XIRP2: variants seen among roughly 807,000 people sequenced by gnomAD.
XIRP2 encodes xin actin binding repeat containing 2.
Under a neutral mutation model 277.0 loss-of-function variants are expected in XIRP2, and 236 were observed. That is an observed-to-expected ratio of 0.85 (90% CI 0.77 to 0.95). The LOEUF (loss-of-function observed/expected upper bound fraction) is 0.95, where lower values mean the gene tolerates loss of function less well. Among genes scored for constraint, XIRP2 ranks in the 40% least tolerant of loss-of-function variants. The pLI, the probability that XIRP2 is intolerant of heterozygous loss-of-function variation, is 0.00. For missense variants in XIRP2, 4,640 were observed against 4,157.5 expected (o/e 1.12, Z -3.19); for synonymous variants, 1,490 against 1,416.5 (o/e 1.05, Z -1.17).
intron 2 of XIRP2, among the ~76,000 whole-genome samples, chr2:167,075,378 TCGC>T (rs944050006): frequency 5.3e-5 from 8 of 152,020 alleles, no homozygotes; most frequent in Non-Finnish European, 5.9e-5. Flanking sequence ...GAAAATGGGG[TCGC>T]CATTTGCTCT....
chr2:166,922,820 C>CTT (rs201750485), intron 2 of XIRP2, among the ~76,000 whole-genome samples: 108 of 138,386 alleles, frequency 7.8e-4, no homozygotes, highest in African/African-American at 2.7e-3. Flanking sequence ...TCTTTCCTTC[C>CTT]TTTTTTTTTT....
At chr2:167,176,745 C>G (rs1692857988) in intron 3 of XIRP2, among the ~76,000 whole-genome samples, 1 of 152,100 alleles carries the variant, frequency 6.6e-6, no homozygotes, top group South Asian at 2.1e-4. Flanking sequence ...CTATGATTGT[C>G]TTTGTTATAT....
chr2:167,024,895 A>G (rs1199098640), intron 2 of XIRP2, among the ~76,000 whole-genome samples: 5 of 152,168 alleles, frequency 3.3e-5, no homozygotes, highest in East Asian at 1.9e-4. Flanking sequence ...TGTTCATCAA[A>G]GATATTGGTC....
At chr2:167,013,406 T>C (rs1456688599) in intron 2 of XIRP2, among the ~76,000 whole-genome samples, 1 of 151,430 alleles carries the variant, frequency 6.6e-6, no homozygotes, top group African/African-American at 2.4e-5. Flanking sequence ...TGATGCGGTC[T>C]TAAATAAACA....
At chr2:167,088,884 C>G (rs576421781) in intron 2 of XIRP2, among the ~76,000 whole-genome samples, 4 of 152,294 alleles carry the variant, frequency 2.6e-5, no homozygotes, top group African/African-American at 9.6e-5. Flanking sequence ...TCATAGCACT[C>G]TGAATTCTCA....
chr2:167,221,355 T>C (rs757191128), intron 5 of XIRP2, among the ~76,000 whole-genome samples: 29 of 146,892 alleles, frequency 2.0e-4, no homozygotes, highest in Admixed American at 3.6e-4. Flanking sequence ...TCCCAGCTAC[T>C]GGGAGGCTGA....
At chr2:167,146,231 G>T (rs529518783) in intron 3 of XIRP2, among the ~76,000 whole-genome samples, 7 of 152,026 alleles carry the variant, frequency 4.6e-5, no homozygotes, top group Non-Finnish European at 8.8e-5. Flanking sequence ...TGGGCATAGT[G>T]GCTCATGCCT....
intron 2 of XIRP2, among the ~76,000 whole-genome samples, chr2:166,927,464 T>C (rs555729524): frequency 2.0e-5 from 3 of 152,218 alleles, no homozygotes; most frequent in African/African-American, 4.8e-5. Flanking sequence ...CTAAGGGAGA[T>C]TCTTTTTCTT....
At chr2:167,134,905 G>A (rs1205324750) in intron 2 of XIRP2, among the ~76,000 whole-genome samples, 1 of 152,064 alleles carries the variant, frequency 6.6e-6, no homozygotes, top group South Asian at 2.1e-4. Context: ...GATGATTCAC[G>A]TCCTGGGCAG....
chr2:167,072,901 C>T (rs1689470296), intron 2 of XIRP2, among the ~76,000 whole-genome samples: 1 of 152,128 alleles, frequency 6.6e-6, no homozygotes, highest in Non-Finnish European at 1.5e-5. Flanking sequence ...AAACATTTCA[C>T]AGTATAACTT....
chr2:167,035,996 C>G (rs1007927259), intron 2 of XIRP2, among the ~76,000 whole-genome samples: 5 of 152,192 alleles, frequency 3.3e-5, no homozygotes, highest in African/African-American at 1.2e-4. Flanking sequence ...GTGTTGACCC[C>G]TTGGGTACAC....
chr2:167,058,920 T>C, intron 2 of XIRP2, among the ~76,000 whole-genome samples: 1 of 152,070 alleles, frequency 6.6e-6, no homozygotes, highest in East Asian at 1.9e-4. Flanking sequence ...TATCTCCTCA[T>C]TATAGCAACT....
At chr2:166,987,289 ATAGAG>A (rs750146124) in intron 2 of XIRP2, among the ~76,000 whole-genome samples, 3 of 152,198 alleles carry the variant, frequency 2.0e-5, no homozygotes, top group Non-Finnish European at 2.9e-5. Flanking sequence ...GGGACTAGAT[ATAGAG>A]TAAACTAAGA....
intron 2 of XIRP2, among the ~76,000 whole-genome samples, chr2:167,054,630 G>A (rs1688997554): frequency 6.6e-6 from 1 of 151,094 alleles, no homozygotes; most frequent in Non-Finnish European, 1.5e-5. Context: ...GTTGCAGTGA[G>A]CTGAAATCGC....
intron 2 of XIRP2, among the ~76,000 whole-genome samples, chr2:167,107,570 C>A (rs1221057905): frequency 6.6e-6 from 1 of 151,344 alleles, no homozygotes; most frequent in Non-Finnish European, 1.5e-5. Flanking sequence ...ATAGTATATA[C>A]CTATTTTGTA....
intron 9 of XIRP2, 89 bp from the exon 10 acceptor site, chr2:167,253,943 G>A: frequency 7.1e-7 from 1 of 1,407,612 alleles, no homozygotes; most frequent in Non-Finnish European, 9.6e-7. Flanking sequence ...TAACCGCATG[G>A]CCAGTTAATA....
At chr2:166,961,561 G>T (rs2105407899) in intron 2 of XIRP2, among the ~76,000 whole-genome samples, 1 of 151,812 alleles carries the variant, frequency 6.6e-6, no homozygotes, top group Non-Finnish European at 1.5e-5. Context: ...TGCTATGTGT[G>T]ACAATAGTTA....
chr2:167,060,050 T>C (rs939522182), intron 2 of XIRP2, among the ~76,000 whole-genome samples: 3 of 152,190 alleles, frequency 2.0e-5, no homozygotes, highest in African/African-American at 4.8e-5. Flanking sequence ...TGAGTGATCC[T>C]AGCTAATGTC....
intron 2 of XIRP2, among the ~76,000 whole-genome samples, chr2:167,018,060 C>T (rs1172656941): frequency 6.6e-6 from 1 of 152,020 alleles, no homozygotes; most frequent in Non-Finnish European, 1.5e-5. Context: ...GGCTCTAATA[C>T]CTAGCCTTTT....
Sources: gnomAD v4.1 joint callset for allele counts (sites outside exome capture counted in the v4.1 genomes callset) on GRCh38, gnomAD v4.1.1 for gene constraint, MANE v1.5 for transcripts, NCBI Gene and HGNC (gene_info 2026-07-23, HGNC 2026-07-21) for gene names.